The following SNX31 variants were observed in gnomAD, a reference collection of about 807,000 sequenced individuals.
SNX31 encodes sorting nexin 31.
Under a neutral mutation model 65.4 loss-of-function variants are expected in SNX31, and 58 were observed. The observed-to-expected ratio is 0.89, with a 90% confidence interval of 0.72 to 1.10. SNX31 has a LOEUF of 1.10. Ranked by LOEUF, SNX31 falls within the 50% of genes least tolerant of loss-of-function variation. The pLI, the probability that SNX31 is intolerant of heterozygous loss-of-function variation, is 0.00. For missense variants in SNX31, 523 were observed against 529.7 expected, an observed-to-expected ratio of 0.99 and a Z score of 0.12; for synonymous variants, 181 against 190.1, an observed-to-expected ratio of 0.95 and a Z score of 0.39.
At chr8:100,647,348 G>T (rs779859237) in intron 2 of SNX31, among the ~76,000 whole-genome samples, 1 of 152,034 alleles carries the variant, frequency 6.6e-6, no homozygotes, top group Non-Finnish European at 1.5e-5. Context: ...ATATTTAAAG[G>T]CCCCAATAGT....
chr8:100,583,783 G>A (rs1205936330), intron 12 of SNX31, among the ~76,000 whole-genome samples: 1 of 152,202 alleles, frequency 6.6e-6, no homozygotes, highest in African/African-American at 2.4e-5. Flanking sequence ...CTGACTTGAA[G>A]ATGTAGCTTC....
chr8:100,610,393 C>G lies in SNX31; in HGVS notation c.611+1607G>C, dbSNP rs1322414120. On this transcript the variant is annotated intron_variant, in intron 7 of 13. Transcript: ENST00000311812. This position sits in a 1 kb window ranked among gnomAD's most constrained non-coding sequence, Gnocchi z 4.0. ...TTTTTTTGCTTCCTATAATCACCAT[C>G]ATCATCAATATAACAGTCACAAACA... Among the ~76,000 whole-genome samples the G allele has an allele frequency of 2.7e-5, 4 of 150,014 alleles. No homozygotes were observed. Among genetic ancestry groups the G allele is most frequent in the African/African-American group, 4.9e-5 (2 of 40,644 alleles).
At chr8:100,651,099 A>G (rs181321248), upstream of SNX31, among the ~76,000 whole-genome samples, 1 of 152,192 alleles carries the variant, frequency 6.6e-6, no homozygotes, top group East Asian at 1.9e-4. Context: ...TGATCTGTCC[A>G]CCTCGGCCTC....
At position 100,612,496 on chromosome 8, in the gene SNX31, A is replaced by C. The variant is rs914942835; in HGVS notation, c.524-409T>G. Among the ~76,000 whole-genome samples the C allele has an allele frequency of 6.7e-6, 1 of 149,644 alleles. No individual in the cohort carries two copies. The highest frequency in any genetic ancestry group is 1.5e-5 in the Non-Finnish European group (1 of 67,574). ...TGATACCATTTTACAAAAAAAAAAA[A>C]CTTGTAATATCTAGAAACATACTGT... is the stretch of plus-strand genomic sequence containing the variant. On this transcript the variant is annotated intron_variant, in intron 6 of 13. Transcript: ENST00000311812. This position sits in a 1 kb window ranked among gnomAD's most constrained non-coding sequence, Gnocchi z 4.3.
At chr8:100,607,815 T>C (rs1233573344) in intron 8 of SNX31, among the ~76,000 whole-genome samples, 2 of 152,216 alleles carry the variant, frequency 1.3e-5, no homozygotes, top group African/African-American at 4.8e-5. Context: ...AAAATTTAAT[T>C]TTTTAAAATA....
At chr8:100,643,735 T>C (rs1003080745) in intron 2 of SNX31, among the ~76,000 whole-genome samples, 1 of 152,116 alleles carries the variant, frequency 6.6e-6, no homozygotes, top group East Asian at 1.9e-4. Context: ...CACCATCACC[T>C]TTTCCACCAA....
chr8:100,661,649 C>CT (rs1809789583), intron 1 of SNX31, among the ~76,000 whole-genome samples: 1 of 149,558 alleles, frequency 6.7e-6, no homozygotes, highest in African/African-American at 2.4e-5. Context: ...TCACCTCGGC[C>CT]TCCCAAGGAG....
chr8:100,636,627 ATAT>A (rs552253514), intron 2 of SNX31, among the ~76,000 whole-genome samples: 131 of 152,360 alleles, frequency 8.6e-4, no homozygotes, highest in African/African-American at 2.7e-3. Flanking sequence ...TAAATAAAAT[ATAT>A]TATTAAAATT....
Position 100,630,399 on chromosome 8 carries a change from A to AC in SNX31, c.257-9dup. ...CGTTTGGGTCCATGGTTACTGAAAA[A>AC]CATGGACGGTGAGCCAGGTTAGCAT... On this transcript the variant is annotated splice_polypyrimidine_tract_variant and intron_variant, in intron 3 of 13. Transcript: ENST00000311812. This position sits in a 1 kb window ranked among gnomAD's most constrained non-coding sequence, Gnocchi z 5.3. 3 of 1,610,818 alleles carry AC rather than the reference A, an allele frequency of 1.9e-6. No homozygotes were observed. The highest frequency in any genetic ancestry group is 2.5e-6 in the Non-Finnish European group (3 of 1,178,780).
chr8:100,639,462 G>A (rs919501631), intron 2 of SNX31, among the ~76,000 whole-genome samples: 8 of 152,164 alleles, frequency 5.3e-5, no homozygotes, highest in African/African-American at 7.2e-5. Flanking sequence ...ACTGCCACAT[G>A]TGTATACAGA....
In SNX31 at chr8:100,622,280, T is replaced by C. The variant is rs903056230; in HGVS notation, c.322-4550A>G. On this transcript the variant is annotated intron_variant, in intron 4 of 13. Coordinates refer to ENST00000311812, the MANE Select transcript of SNX31 (RefSeq NM_152628.4). The surrounding 1 kb of genome is among the most constrained non-coding windows in gnomAD (Gnocchi z 5.0). ...GAAGAGTGCCCTGTACAAGTAGACA[T>C]TTAATAATCTTGGTTCCATATTTCT... 2.0e-5 allele frequency among the ~76,000 whole-genome samples: 3 copies of C among 152,160 alleles called. No individual in the cohort carries two copies. The highest frequency in any genetic ancestry group is 2.9e-5 in the Non-Finnish European group (2 of 68,030).
intron 13 of SNX31, among the ~76,000 whole-genome samples, chr8:100,574,737 C>A (rs1812903488): frequency 6.6e-6 from 1 of 151,912 alleles, no homozygotes; most frequent in South Asian, 2.1e-4. Context: ...AGTACGAGAC[C>A]AGCCTGGCCA....
At chr8:100,652,158 T>G (rs909224885), upstream of SNX31, among the ~76,000 whole-genome samples, 2 of 152,112 alleles carry the variant, frequency 1.3e-5, 1 homozygote, top group Admixed American at 1.3e-4. Flanking sequence ...TTTTGTATTT[T>G]TAGTAGAGAC....
In SNX31 at chr8:100,649,314, C is replaced by T. The variant is rs1819866758; in HGVS notation, c.101G>A (p.Cys34Tyr). The T allele has an allele frequency of 6.2e-7, 1 of 1,614,082 alleles. No individual in the cohort carries two copies. The highest frequency in any genetic ancestry group is 1.1e-5 in the South Asian group (1 of 91,082). ...YSVHLDGFLF[C>Y]RVRYSQLHGW... ...GTGCAGCTGGCTGTAGCGCACCCTG[C>T]AGAAGAGGAACCCGTCCAGGTGCAC... Residue 34 changes from cysteine to tyrosine, a missense_variant, in exon 2 of 14, where the codon TGC becomes TAC. Cys to Tyr is a radical substitution (Grantham distance 194, BLOSUM62 -2). Coordinates refer to ENST00000311812, the MANE Select transcript of SNX31 (RefSeq NM_152628.4).
At position 100,660,804 on chromosome 8, in the gene SNX31, A is replaced by G. The variant is rs1480538905; in HGVS notation, c.-58+2338T>C. 6.6e-6 allele frequency among the ~76,000 whole-genome samples: 1 copy of G among 152,184 alleles called. No homozygotes were observed. The highest frequency in any genetic ancestry group is 1.5e-5 in the Non-Finnish European group (1 of 68,036). On this transcript the variant is annotated intron_variant, in intron 1 of 5. Coordinates refer to the SNX31 transcript ENST00000520352. The surrounding 1 kb of genome is among the most constrained non-coding windows in gnomAD (Gnocchi z 4.1). ...ATTTACACTAGAATCATAAATCTGA[A>G]TAATATTTGTAAAAGGGCTGCTTTG...
At position 100,625,557 on chromosome 8, in the gene SNX31, T is replaced by TA. The variant is rs1278959779; in HGVS notation, c.321+4769dup. ...TGTTAAGGTTCTGGGAAGTGACTGT[T>TA]ACCTCTGTCCTGCCCTCTCTTTAGA... is the stretch of plus-strand genomic sequence containing the variant. On this transcript the variant is annotated intron_variant, in intron 4 of 13. Transcript: ENST00000311812. The surrounding 1 kb of genome is among the most constrained non-coding windows in gnomAD (Gnocchi z 4.2). Among the ~76,000 whole-genome samples the TA allele has an allele frequency of 6.6e-6, 1 of 152,218 alleles. No individual in the cohort carries two copies. The highest frequency in any genetic ancestry group is 1.5e-5 in the Non-Finnish European group (1 of 68,038).
rs917440877 is a variant in SNX31, at chr8:100,648,259, A to T, written c.141+1015T>A. On this transcript the variant is annotated intron_variant, in intron 2 of 13. Coordinates refer to ENST00000311812, the MANE Select transcript of SNX31 (RefSeq NM_152628.4). This position sits in a 1 kb window ranked among gnomAD's most constrained non-coding sequence, Gnocchi z 4.3. ...AGAGACTGTCTGAAAAAACTCTCTCAAAACAAGCAAACAAACAAAAACAGC... is the reference window on the plus strand; with the variant it reads ...AGAGACTGTCTGAAAAAACTCTCTCTAAACAAGCAAACAAACAAAAACAGC... Among the ~76,000 whole-genome samples the T allele has an allele frequency of 4.7e-5, 7 of 150,100 alleles. No individual in the cohort carries two copies. The highest frequency in any genetic ancestry group is 1.7e-4 in the African/African-American group (7 of 40,778).
chr8:100,641,593 TATACACATACAC>T (rs1170316767), intron 2 of SNX31, among the ~76,000 whole-genome samples: 3 of 22,132 alleles, frequency 1.4e-4, no homozygotes, highest in African/African-American at 9.8e-4. Flanking sequence ...TATATATATA[TATACACATACAC>T]ACACACACGC....
chr8:100,600,471 A>C, intron 8 of SNX31, 30 bp from the exon 9 acceptor site: 1 of 1,570,416 alleles, frequency 6.4e-7, no homozygotes, highest in East Asian at 2.2e-5. Context: ...TAAAATTAGC[A>C]GTCTTAGCAG....
Sources: allele counts gnomAD v4.1 joint callset (sites outside exome capture counted in the v4.1 genomes callset), GRCh38; gene constraint gnomAD v4.1.1; non-coding constraint Gnocchi (gnomAD v3.1); transcripts MANE v1.5; gene names NCBI Gene and HGNC (gene_info 2026-07-23, HGNC 2026-07-21).